Variants in TNIK observed in about 807,000 individuals in gnomAD.
TNIK encodes TRAF2 and NCK interacting kinase.
In TNIK, 49 loss-of-function variants were observed where a neutral mutation model predicts 191.3. The observed-to-expected ratio is 0.26, with a 90% CI of 0.20 to 0.32. The LOEUF is 0.32. TNIK is among the 10% of genes least tolerant of loss of function. The pLI is 1.00. For synonymous variants in TNIK, 594 were observed against 600.9 expected (o/e 0.99, Z 0.17); for missense variants, 1,155 against 1,702.3 (o/e 0.68, Z 5.66).
At chr3:171,213,326 G>C (rs1424824301) in intron 3 of TNIK, among the ~76,000 whole-genome samples, 7 of 152,166 alleles carry the variant, frequency 4.6e-5, no homozygotes. Context: ...GAGGGTTTCT[G>C]TGGGCAGCAC....
chr3:171,186,959 G>C (rs1737440333), intron 7 of TNIK, among the ~76,000 whole-genome samples: 1 of 152,196 alleles, frequency 6.6e-6, no homozygotes, highest in Admixed American at 6.5e-5. Context: ...GCCTCTTCTA[G>C]ATACCCTACT....
At position 171,213,270 on chromosome 3, in the gene TNIK, G is replaced by A. The variant is rs186802271; in HGVS notation, c.181-2029C>T. ...TTGTGGACGAATGTAGGATGTGAGC[G>A]GATGTACTTTGGGGAAGCCTAAATA... is the stretch of plus-strand genomic sequence containing the variant. On this transcript the variant is annotated intron_variant, in intron 3 of 32. Transcript: ENST00000436636. Among the ~76,000 whole-genome samples the A allele has an allele frequency of 3.9e-4, 60 of 152,178 alleles. 1 individual carries two copies. The highest frequency in any genetic ancestry group is 3.4e-3 in the Middle Eastern group (1 of 294).
Position 171,440,785 on chromosome 3 carries a change from C to A in TNIK, c.57+19222G>T, listed in dbSNP as rs147108059. ...AACAAATGGCACATTATGATAGGGGCTTGGGAAGAGTTTCAGGCAGCAGGA... is the reference window on the plus strand; with the variant it reads ...AACAAATGGCACATTATGATAGGGGATTGGGAAGAGTTTCAGGCAGCAGGA... On this transcript the variant is annotated intron_variant, in intron 1 of 32. Transcript: ENST00000436636. Among the ~76,000 whole-genome samples, 401 of 152,142 alleles carry A rather than the reference C, an allele frequency of 2.6e-3. 1 individual carries two copies. Among genetic ancestry groups the A allele is most frequent in the Non-Finnish European group, 4.1e-3 (279 of 67,988 alleles).
intron 4 of TNIK, among the ~76,000 whole-genome samples, chr3:171,200,830 A>C (rs569276661): frequency 1.4e-3 from 206 of 152,256 alleles, no homozygotes; most frequent in African/African-American, 4.8e-3. Context: ...CTCCCTTGCT[A>C]GTTTATTGGT....
chr3:171,336,842 C>G (rs1397627787), intron 2 of TNIK, among the ~76,000 whole-genome samples: 1 of 152,182 alleles, frequency 6.6e-6, no homozygotes, highest in African/African-American at 2.4e-5. Context: ...GGTTACTGCT[C>G]TAATGCAGTG....
chr3:171,360,540 A>T (rs1714819390), intron 2 of TNIK, among the ~76,000 whole-genome samples: 2 of 152,206 alleles, frequency 1.3e-5, no homozygotes, highest in Admixed American at 1.3e-4. Flanking sequence ...GGCCCAGAAA[A>T]GCTAAATGAC....
rs1042957226 is a variant in TNIK at position 171,460,243 on chromosome 3, C to A, written c.-180G>T. The A allele has an allele frequency of 6.5e-6, 5 of 767,808 alleles. No individual in the cohort carries two copies. Among genetic ancestry groups the A allele is most frequent in the Non-Finnish European group, 6.3e-6 (3 of 479,046 alleles). The allele number at this position is 767,808 out of a possible 1,614,324, so 47.6% of individuals were successfully genotyped here. ...GATCCCGATCCTCCGCGCGTCGGTC[C>A]GCCGGGTCCGGGAGCCCAGCCTGCG... On this transcript the variant is annotated 5_prime_UTR_variant, in exon 1 of 33. Coordinates refer to ENST00000436636, the MANE Select transcript of TNIK (RefSeq NM_015028.4). This position sits in a 1 kb window ranked among gnomAD's most constrained non-coding sequence, Gnocchi z 6.8.
In TNIK at chr3:171,421,263, C is replaced by A. The variant is rs144038912; in HGVS notation, c.57+38744G>T. Among the ~76,000 whole-genome samples the A allele has an allele frequency of 1.7e-3, 255 of 152,324 alleles. 1 individual carries two copies. Among genetic ancestry groups the A allele is most frequent in the African/African-American group, 5.7e-3 (238 of 41,578 alleles). On this transcript the variant is annotated intron_variant, in intron 1 of 32. Transcript: ENST00000436636. ...CAAGATGTAGAAACTGCCTTCCACT[C>A]CCTGCAGACACACACACACATGCAC... is the stretch of plus-strand genomic sequence containing the variant.
intron 4 of TNIK, among the ~76,000 whole-genome samples, chr3:171,201,315 C>T (rs1739375266): frequency 1.3e-5 from 2 of 152,168 alleles, no homozygotes; most frequent in Non-Finnish European, 2.9e-5. Flanking sequence ...AGGAGAATTG[C>T]TTGAACCCAG....
At chr3:171,070,010 ACT>A (rs1718980801) in intron 29 of TNIK, among the ~76,000 whole-genome samples, 1 of 151,926 alleles carries the variant, frequency 6.6e-6, no homozygotes, top group African/African-American at 2.4e-5. Context: ...AACATTTTGC[ACT>A]CTCTCATGTG....
intron 26 of TNIK, 114 bp downstream of exon 26, chr3:171,084,041 C>CAA: frequency 2.2e-6 from 3 of 1,345,974 alleles, no homozygotes; most frequent in Non-Finnish European, 2.9e-6. Flanking sequence ...CTCTAATACC[C>CAA]AGGATTCAAC....
intron 18 of TNIK, among the ~76,000 whole-genome samples, chr3:171,115,338 C>A (rs1012677619): frequency 1.3e-5 from 2 of 152,094 alleles, no homozygotes; most frequent in South Asian, 2.1e-4. Flanking sequence ...TGAAACTTAC[C>A]GGACCAGGAT....
At position 171,084,281 on chromosome 3, in the gene TNIK, T is replaced by C; in HGVS notation, c.3043A>G (p.Asn1015Asp). The part of the protein sequence containing the change: ...ELLRQEQAKL[N>D]EARKISVVNV... ...ACCACCGAAATCTTTCTTGCTTCAT[T>C]GAGTTTGGCCTGTTCTTGCCTAAGA... Residue 1015 changes from asparagine to aspartate, a missense_variant, in exon 26 of 33, where the codon AAT (asparagine) becomes GAT (aspartate). Physicochemically the swap from Asn to Asp is conservative, Grantham distance 23 (BLOSUM62 1). Around this residue, in one of 3 missense-constraint regions of TNIK, gnomAD observed 735 missense variants for 848.0 expected, o/e 0.87. Transcript: ENST00000436636. 6.2e-7 allele frequency: 1 copy of C among 1,613,918 alleles called. No individual in the cohort carries two copies.
chr3:171,180,243 T>C (rs1271471831), intron 7 of TNIK, among the ~76,000 whole-genome samples: 2 of 152,126 alleles, frequency 1.3e-5, no homozygotes, highest in African/African-American at 4.8e-5. Context: ...ACCTCAGCAG[T>C]GATGTGCTAG....
intron 7 of TNIK, among the ~76,000 whole-genome samples, chr3:171,182,053 C>A (rs1377026404): frequency 6.6e-6 from 1 of 152,136 alleles, no homozygotes; most frequent in Admixed American, 6.5e-5. Flanking sequence ...CACCAGAACA[C>A]CCCTTTCAAA....
At chr3:171,068,621 A>G (rs1363421280) in intron 30 of TNIK, among the ~76,000 whole-genome samples, 2 of 152,230 alleles carry the variant, frequency 1.3e-5, no homozygotes, top group African/African-American at 4.8e-5. Flanking sequence ...CAACATGTAA[A>G]TGCCAAATGA....
intron 2 of TNIK, among the ~76,000 whole-genome samples, chr3:171,282,372 G>A (rs1028324717): frequency 4.1e-5 from 4 of 96,810 alleles, no homozygotes; most frequent in East Asian, 2.1e-4. Context: ...ATGGAGTTTC[G>A]CTCTTGTTGC....
In TNIK at chr3:171,460,372, C is replaced by T. The variant is rs1729341431; in HGVS notation, c.-309G>A. On this transcript the variant is annotated 5_prime_UTR_variant, in exon 1 of 33. Coordinates refer to ENST00000436636, the MANE Select transcript of TNIK (RefSeq NM_015028.4). The surrounding 1 kb of genome is among the most constrained non-coding windows in gnomAD (Gnocchi z 6.8). ...TATTTAAATGGGACATGCTTCTTTG[C>T]TTGTGCGTGGATGGCGGCTGCATTG... 4.3e-6 allele frequency: 2 copies of T among 469,184 alleles called. No homozygotes were observed. The highest frequency in any genetic ancestry group is 2.3e-5 in the South Asian group (1 of 43,704). The allele number at this position is 469,184 out of a possible 1,614,324, so 29.1% of individuals were successfully genotyped here.
At chr3:171,356,561 T>C (rs1057075695) in intron 2 of TNIK, among the ~76,000 whole-genome samples, 6 of 152,180 alleles carry the variant, frequency 3.9e-5, no homozygotes, top group African/African-American at 1.2e-4. Context: ...TTCAGACTTA[T>C]CAAGAATCTA....
Sources: gnomAD v4.1 joint callset for allele counts (sites outside exome capture counted in the v4.1 genomes callset) on GRCh38, gnomAD v4.1.1 for gene constraint, gnomAD v4.1.1 regional missense constraint, Gnocchi (gnomAD v3.1) non-coding constraint, MANE v1.5 for transcripts, NCBI Gene and HGNC (gene_info 2026-07-23, HGNC 2026-07-21) for gene names.